The following WHAMM variants were observed in gnomAD, a reference collection of about 807,000 sequenced individuals.
WHAMM encodes the protein WASP homolog associated with actin, golgi membranes and microtubules, also known as WASP homolog-associated protein with actin, membranes and microtubules.
WHAMM carries 67 observed loss-of-function variants against 76.5 expected under a neutral mutation model. The observed-to-expected ratio is 0.88, with a 90% CI of 0.72 to 1.07. WHAMM has a LOEUF of 1.07. Ranked by LOEUF, WHAMM falls within the 50% of genes least tolerant of loss-of-function variation. The pLI, the probability that WHAMM is intolerant of heterozygous loss-of-function variation, is 0.00. For missense variants in WHAMM, 1,021 were observed against 1,051.1 expected (o/e 0.97, Z 0.40); for synonymous variants, 419 against 422.1 (o/e 0.99, Z 0.09).
In WHAMM at chr15:82,833,602, C is replaced by G. The variant is rs144146613; in HGVS notation, c.*66C>G. The G allele has an allele frequency of 1.4e-4, 210 of 1,527,820 alleles. No homozygotes were observed. In the African/African-American group the frequency reaches 2.3e-3, roughly 17 times the overall value. The allele number at this position is 1,527,820 out of a possible 1,614,324, so 94.6% of individuals were successfully genotyped here. On this transcript the variant is annotated 3_prime_UTR_variant, in exon 10 of 10. Coordinates refer to ENST00000286760, the MANE Select transcript of WHAMM (RefSeq NM_001080435.3). ...TAAAGTGGGTGAGTCTTAGACCTAT[C>G]GAAAAGCATACTAACAGGGTGCTGA...
At position 82,818,012 on chromosome 15, in the gene WHAMM, C is replaced by G. The variant is rs761574346; in HGVS notation, c.1027C>G (p.Leu343Val). 1.4e-5 allele frequency: 21 copies of G among 1,549,302 alleles called. No homozygotes were observed. The highest frequency in any genetic ancestry group is 8.7e-7 in the Non-Finnish European group (1 of 1,146,664). ...IPRLEKLQLM[L>V]ARETLQLMRA... is the part of the protein sequence containing the mutation. ...CAGGTTGGAAAAACTTCAGCTAATG[C>G]TAGCTCGAGAGACTCTGCAACTCAT... is the stretch of plus-strand genomic sequence containing the variant. Residue 343 changes from leucine (L) to valine (V), a missense_variant, in exon 4 of 10, where the codon CTA becomes GTA. Around this residue, in one of 3 missense-constraint regions of WHAMM, gnomAD observed 501 missense variants for 524.9 expected, o/e 0.95. Coordinates refer to ENST00000286760, the MANE Select transcript of WHAMM (RefSeq NM_001080435.3).
chr15:82,834,963 G>C lies in WHAMM; in HGVS notation c.*1427G>C, dbSNP rs2051108240. ...TAAAATCAGGGAAGGGGAAGGGACT[G>C]ATGCAAAGCAGTCCGTTCATTTCTC... On this transcript the variant is annotated 3_prime_UTR_variant, in exon 10 of 10. Coordinates refer to ENST00000286760, the MANE Select transcript of WHAMM (RefSeq NM_001080435.3). The C allele has an allele frequency of 6.6e-6, 1 of 152,172 alleles. No homozygotes were observed. Among genetic ancestry groups the C allele is most frequent in the Admixed American group, 6.5e-5 (1 of 15,282 alleles). 9.4% of individuals were successfully genotyped at this position (152,172 alleles called of 1,614,324 possible).
In WHAMM at chr15:82,813,139, G is replaced by A. The variant is rs1231518265; in HGVS notation, c.646G>A (p.Ala216Thr). Residue 216 changes from alanine to threonine, a missense_variant, in exon 2 of 10, where the codon GCA becomes ACA. Ala to Thr is a moderately conservative substitution (Grantham distance 58). Around this residue, in one of 3 missense-constraint regions of WHAMM, gnomAD observed 501 missense variants for 524.9 expected, o/e 0.95. Transcript: ENST00000286760. Reference sequence around the variant, plus strand: ...ACACGGAAAAGCCAACACCATGGTAGCATTAATGAACGTTTACCAAGAGGA... The same window carrying A: ...ACACGGAAAAGCCAACACCATGGTAACATTAATGAACGTTTACCAAGAGGA... ...QGHGKANTMV[A>T]LMNVYQEEDE... The A allele has an allele frequency of 1.2e-6, 2 of 1,607,428 alleles. No individual in the cohort carries two copies. The highest frequency in any genetic ancestry group is 1.7e-6 in the Non-Finnish European group (2 of 1,178,360).
Position 82,809,867 on chromosome 15 carries a change from C to A in WHAMM, c.141C>A (p.Asp47Glu), listed in dbSNP as rs1159214489. ...AEGKFAVTCH[D>E]RTAQQRRLRE... Reference sequence around the variant, plus strand: ...GCAAGTTCGCTGTGACTTGTCACGACCGTACCGCGCAGCAGCGGCGGCTGC... The same window carrying A: ...GCAAGTTCGCTGTGACTTGTCACGAACGTACCGCGCAGCAGCGGCGGCTGC... Residue 47 changes from aspartate to glutamate, a missense_variant, in exon 1 of 10, where the codon GAC (aspartate) becomes GAA (glutamate). This residue lies in a region of WHAMM where 501 missense variants were observed against 524.9 expected (regional missense o/e 0.95). Transcript: ENST00000286760. 2 of 1,583,700 alleles carry A rather than the reference C, an allele frequency of 1.3e-6. No homozygotes were observed. Among genetic ancestry groups the A allele is most frequent in the Non-Finnish European group, 1.7e-6 (2 of 1,164,688 alleles).
At chr15:82,827,695 A>G (rs1479018430) in intron 8 of WHAMM, among the ~76,000 whole-genome samples, 4 of 152,248 alleles carry the variant, frequency 2.6e-5, no homozygotes, top group Non-Finnish European at 5.9e-5. Flanking sequence ...CTGTAATCCC[A>G]GCACTTTGGG....
rs1266616783 is a variant in WHAMM, at chr15:82,834,484, G to C, written c.*948G>C. On this transcript the variant is annotated 3_prime_UTR_variant, in exon 10 of 10. Coordinates refer to ENST00000286760, the MANE Select transcript of WHAMM (RefSeq NM_001080435.3). ...AGAAGAGCACTTATTTCTCACCATG[G>C]CTGATCTAGAATTGTTCCCTGATTC... 3 of 152,626 alleles carry C rather than the reference G, an allele frequency of 2.0e-5. No homozygotes were observed. The highest frequency in any genetic ancestry group is 7.2e-5 in the African/African-American group (3 of 41,448). 9.5% of individuals were successfully genotyped at this position (152,626 alleles called of 1,614,324 possible). A position where few individuals can be genotyped will look rare whatever the true frequency, so the allele number is the denominator to read the frequency against.
rs1385838150 is a variant in WHAMM, at chr15:82,809,786, C to T, written c.60C>T (p.Phe20=). 2 of 1,599,344 alleles carry T rather than the reference C, an allele frequency of 1.3e-6. No individual in the cohort carries two copies. Among genetic ancestry groups the T allele is most frequent in the African/African-American group, 2.7e-5 (2 of 74,122 alleles). Residue 20 remains phenylalanine, a synonymous_variant, in exon 1 of 10, where the codon TTC becomes TTT. Transcript: ENST00000286760. The part of the protein sequence containing the change: ...EGWVPVREGL[F]AEPERHRLRF... ...GGGTGCCGGTCCGGGAGGGCCTCTTCGCCGAGCCCGAGAGGCACCGGCTGC... is the reference window on the plus strand; with the variant it reads ...GGGTGCCGGTCCGGGAGGGCCTCTTTGCCGAGCCCGAGAGGCACCGGCTGC...
At chr15:82,829,440 A>G (rs960724772) in intron 8 of WHAMM, among the ~76,000 whole-genome samples, 1 of 152,250 alleles carries the variant, frequency 6.6e-6, no homozygotes, top group African/African-American at 2.4e-5. Context: ...GATGGAGATC[A>G]GTTGGATGAC....
chr15:82,823,332 AT>A, intron 6 of WHAMM, 45 bp downstream of exon 6: 1 of 1,332,380 alleles, frequency 7.5e-7, no homozygotes, highest in East Asian at 2.7e-5. Flanking sequence ...TCTTTCAGAG[AT>A]TTATTCTTGT....
At chr15:82,820,428 G>A (rs1180497038) in intron 5 of WHAMM, among the ~76,000 whole-genome samples, 1 of 152,014 alleles carries the variant, frequency 6.6e-6, no homozygotes, top group Non-Finnish European at 1.5e-5. Flanking sequence ...TTATTTCCTT[G>A]GAATAAATTT....
At chr15:82,829,707 G>T (rs910804620) in intron 8 of WHAMM, among the ~76,000 whole-genome samples, 1 of 151,150 alleles carries the variant, frequency 6.6e-6, no homozygotes, top group Non-Finnish European at 1.5e-5. Flanking sequence ...CATGGGGGGG[G>T]TGTGTGTGTG....
At chr15:82,826,566 CTG>C (rs2050937970) in intron 7 of WHAMM, 70 bp downstream of exon 7, 2 of 1,591,992 alleles carry the variant, frequency 1.3e-6, no homozygotes, top group Non-Finnish European at 8.6e-7. Context: ...CTTGTGGAAA[CTG>C]GAGTTGCGCT....
chr15:82,814,766 C>CTTT lies in WHAMM; in HGVS notation c.783+1509_783+1511dup, dbSNP rs773443880. Among the ~76,000 whole-genome samples the CTTT allele has an allele frequency of 1.9e-3, 180 of 94,756 alleles. 1 individual carries two copies. The highest frequency in any genetic ancestry group is 7.6e-3 in the East Asian group (24 of 3,166). The allele number at this position is 94,756 out of a possible 152,430, so 62.2% of individuals were successfully genotyped here. The stretch of plus-strand genomic sequence containing the variant: ...CACACCCAGCCTATATTTTTCCTTT[C>CTTT]TTTTTTTTTTTTTTTTTTTTTGAGA... On this transcript the variant is annotated intron_variant, in intron 2 of 9. Transcript: ENST00000286760.
At position 82,817,963 on chromosome 15, in the gene WHAMM, G is replaced by A; in HGVS notation, c.978G>A (p.Gln326=). 6.5e-7 allele frequency: 1 copy of A among 1,548,094 alleles called. No homozygotes were observed. Among genetic ancestry groups the A allele is most frequent in the African/African-American group, 1.4e-5 (1 of 73,048 alleles). The change falls in exon 4 of 10, where the codon CAG becomes CAA. Residue 326 remains glutamine, a synonymous_variant. Coordinates refer to ENST00000286760, the MANE Select transcript of WHAMM (RefSeq NM_001080435.3). The part of the protein sequence containing the change: ...EMEQDAKRFG[Q]AAWATAIPRL... ...AACAGGATGCGAAGAGATTTGGTCAGGCTGCCTGGGCCACAGCAATTCCCA... is the reference window on the plus strand; with the variant it reads ...AACAGGATGCGAAGAGATTTGGTCAAGCTGCCTGGGCCACAGCAATTCCCA...
chr15:82,813,047 G>T, intron 1 of WHAMM, 56 bp from the exon 2 acceptor site: 1 of 1,286,822 alleles, frequency 7.8e-7, no homozygotes, highest in Non-Finnish European at 1.0e-6. Flanking sequence ...TTTGTTTGTT[G>T]GGTATGTATT....
intron 2 of WHAMM, among the ~76,000 whole-genome samples, chr15:82,815,097 A>G (rs1321858527): frequency 7.8e-6 from 1 of 127,648 alleles, no homozygotes; most frequent in African/African-American, 2.9e-5. Flanking sequence ...GTTTTAAGAT[A>G]TCACTCACAG....
Position 82,833,194 on chromosome 15 carries a change from T to C in WHAMM, c.2123-35T>C, listed in dbSNP as rs181737410. The C allele has an allele frequency of 1.2e-4, 190 of 1,589,398 alleles. 1 individual carries two copies. In the African/African-American group the frequency reaches 2.3e-3, roughly 19 times the overall value. On this transcript the variant is annotated intron_variant, in intron 9 of 9. Coordinates refer to ENST00000286760, the MANE Select transcript of WHAMM (RefSeq NM_001080435.3). ...AATGTCCTGGGAAGGGAAAGTGTTT[T>C]ATTGATAGTACTAGCTCTGCTTATT... is the stretch of plus-strand genomic sequence containing the variant.
In WHAMM at chr15:82,833,451, A is replaced by G; in HGVS notation, c.2345A>G (p.Lys782Arg). ...ACCAGTGACCTTGAGAGGAGCATCA[A>G]GGCTGCGCTCCAGAGAATCAAGAGG... ...RRTSDLERSI[K>R]AALQRIKRVS... is the part of the protein sequence containing the mutation. The change falls in exon 10 of 10, where the codon AAG (lysine) becomes AGG (arginine). Residue 782 changes from lysine (K) to arginine (R), a missense_variant. Transcript: ENST00000286760. 1.9e-6 allele frequency: 3 copies of G among 1,614,054 alleles called. No homozygotes were observed. The highest frequency in any genetic ancestry group is 1.1e-5 in the South Asian group (1 of 91,086).
intron 2 of WHAMM, among the ~76,000 whole-genome samples, chr15:82,815,148 TATATATA>T (rs201351251): frequency 0.34 from 24,742 of 73,452 alleles, 3,921 homozygotes; most frequent in African/African-American, 0.39. Context: ...TATATATATA[TATATATA>T]GTACAATTCA....
Sources: allele counts gnomAD v4.1 joint callset (sites outside exome capture counted in the v4.1 genomes callset), GRCh38; gene constraint gnomAD v4.1.1; regional missense constraint gnomAD v4.1.1; transcripts MANE v1.5; gene names NCBI Gene and HGNC (gene_info 2026-07-23, HGNC 2026-07-21).